Variants in LRMDA observed in about 807,000 individuals in gnomAD.
The protein encoded by LRMDA is leucine-rich melanocyte differentiation-associated protein.
Under a neutral mutation model 29.8 loss-of-function variants are expected in LRMDA, and 18 were observed. The ratio of observed to expected loss-of-function variants is 0.60; its 90% confidence interval spans 0.42 to 0.90. The LOEUF (loss-of-function observed/expected upper bound fraction) is 0.90. Ranked by LOEUF, LRMDA falls within the 40% of genes least tolerant of loss-of-function variation. The pLI is 0.00. For synonymous variants in LRMDA, 125 were observed against 109.4 expected (o/e 1.14, Z -0.89); for missense variants, 273 against 273.9 (o/e 1.00, Z 0.02).
intron 5 of LRMDA, among the ~76,000 whole-genome samples, chr10:76,286,671 A>T (rs1840275384): frequency 6.6e-6 from 1 of 152,186 alleles, no homozygotes; most frequent in Non-Finnish European, 1.5e-5. Context: ...CAAACACTTT[A>T]GGTGTCTAAG....
At chr10:75,729,546 G>A (rs1279042695) in intron 2 of LRMDA, among the ~76,000 whole-genome samples, 1 of 152,158 alleles carries the variant, frequency 6.6e-6, no homozygotes, top group African/African-American at 2.4e-5. Flanking sequence ...AAATGTGACT[G>A]CTGAAACCAA....
At chr10:76,202,257 G>T (rs1851447915) in intron 5 of LRMDA, among the ~76,000 whole-genome samples, 1 of 152,170 alleles carries the variant, frequency 6.6e-6, no homozygotes, top group African/African-American at 2.4e-5. Context: ...TACCGCAACA[G>T]TCTGTTACAC....
At chr10:76,467,817 G>A (rs909477007) in intron 6 of LRMDA, among the ~76,000 whole-genome samples, 1 of 152,134 alleles carries the variant, frequency 6.6e-6, no homozygotes, top group African/African-American at 2.4e-5. Flanking sequence ...GCCAGCTTGG[G>A]TGCTACCCTT....
At chr10:76,348,151 G>T (rs1330427024) in intron 6 of LRMDA, among the ~76,000 whole-genome samples, 1 of 152,070 alleles carries the variant, frequency 6.6e-6, no homozygotes, top group Non-Finnish European at 1.5e-5. Flanking sequence ...ACAGAGATTA[G>T]AAATCAAAAT....
chr10:76,198,179 G>A (rs1049816692), intron 5 of LRMDA, among the ~76,000 whole-genome samples: 1 of 152,180 alleles, frequency 6.6e-6, no homozygotes, highest in African/African-American at 2.4e-5. Flanking sequence ...CTCCTGGGAT[G>A]GAATGCTTTG....
Position 75,468,643 on chromosome 10 carries a change from C to CT in LRMDA, c.131+30158dup, listed in dbSNP as rs530135577. On this transcript the variant is annotated intron_variant, in intron 2 of 6. Transcript: ENST00000611255. ...CCAATAAACTTGGAATAAAAGGAAA[C>CT]TTTTTTTTTCTCCAGAGTAGGTTTT... 1.3e-3 allele frequency among the ~76,000 whole-genome samples: 195 copies of CT among 151,766 alleles called. 2 individuals carry two copies. In the South Asian group the frequency reaches 0.015, roughly 11 times the overall value.
chr10:75,802,974 T>TA (rs1564571969), intron 2 of LRMDA, among the ~76,000 whole-genome samples: 16 of 73,886 alleles, frequency 2.2e-4, no homozygotes, highest in African/African-American at 5.5e-4. Context: ...ATATATATAT[T>TA]TTTTTTTTTT....
At chr10:76,429,746 A>G (rs1350748434) in intron 6 of LRMDA, among the ~76,000 whole-genome samples, 2 of 152,226 alleles carry the variant, frequency 1.3e-5, no homozygotes. Context: ...AGGCTAAATT[A>G]AGATTTTAAT....
At chr10:75,532,666 A>G (rs887919033) in intron 2 of LRMDA, among the ~76,000 whole-genome samples, 3 of 152,028 alleles carry the variant, frequency 2.0e-5, no homozygotes, top group African/African-American at 7.3e-5. Context: ...AGTCATTCTC[A>G]GTATGGTTGA....
chr10:76,542,315 A>G (rs1843366659), intron 6 of LRMDA, among the ~76,000 whole-genome samples: 1 of 152,210 alleles, frequency 6.6e-6, no homozygotes, highest in Non-Finnish European at 1.5e-5. Flanking sequence ...TTTGAATAAT[A>G]TGGCCGCTCA....
At chr10:75,555,143 A>G (rs1019138780) in intron 2 of LRMDA, among the ~76,000 whole-genome samples, 3 of 152,214 alleles carry the variant, frequency 2.0e-5, no homozygotes, top group Admixed American at 2.0e-4. Context: ...TGGCCCTATG[A>G]GAGAGTTCTA....
intron 4 of LRMDA, among the ~76,000 whole-genome samples, chr10:76,051,269 C>T (rs1431317069): frequency 2.6e-5 from 4 of 152,230 alleles, no homozygotes; most frequent in African/African-American, 9.6e-5. Flanking sequence ...GCAAAGGTCA[C>T]GACCCAGAGA....
chr10:76,010,082 T>A (rs902784567), intron 2 of LRMDA, among the ~76,000 whole-genome samples: 11 of 152,240 alleles, frequency 7.2e-5, no homozygotes, highest in African/African-American at 2.6e-4. Flanking sequence ...GTGGCCGCCT[T>A]TTCTCGCACA....
chr10:76,051,248 A>T (rs926537255), intron 4 of LRMDA, among the ~76,000 whole-genome samples: 2 of 152,262 alleles, frequency 1.3e-5, no homozygotes, highest in African/African-American at 4.8e-5. Context: ...GGCTTTGAAG[A>T]TCACAAGAAA....
chr10:76,197,590 G>A (rs1851351865), intron 5 of LRMDA, among the ~76,000 whole-genome samples: 1 of 152,044 alleles, frequency 6.6e-6, no homozygotes, highest in Non-Finnish European at 1.5e-5. Context: ...CAATGCACAG[G>A]GCAGCCCTTC....
chr10:75,950,845 G>A (rs1846562281), intron 2 of LRMDA, among the ~76,000 whole-genome samples: 2 of 152,262 alleles, frequency 1.3e-5, no homozygotes, highest in Middle Eastern at 3.4e-3. Flanking sequence ...TATGGCTCCT[G>A]GATTGTTTCT....
chr10:76,235,077 A>T (rs1395033428), intron 5 of LRMDA, among the ~76,000 whole-genome samples: 1 of 152,118 alleles, frequency 6.6e-6, no homozygotes, highest in Non-Finnish European at 1.5e-5. Context: ...CTAGCTTTTG[A>T]TTTAAGTGTG....
intron 2 of LRMDA, among the ~76,000 whole-genome samples, chr10:75,440,546 T>C (rs1844314254): frequency 6.6e-6 from 1 of 151,850 alleles, no homozygotes. Context: ...CTGACTTGAG[T>C]TGGGTGTGCT....
rs2132273198 is a variant in LRMDA at position 75,812,940 on chromosome 10, T to C, written c.132-223068T>C. Reference sequence around the variant, plus strand: ...TGGCTTTGTCCCAGATGAACCAAAGTAGGAGCAGAGCTGATGGACAAGAAA... The same window carrying C: ...TGGCTTTGTCCCAGATGAACCAAAGCAGGAGCAGAGCTGATGGACAAGAAA... On this transcript the variant is annotated intron_variant, in intron 2 of 6. Coordinates refer to ENST00000611255, the MANE Select transcript of LRMDA (RefSeq NM_001305581.2). Among the ~76,000 whole-genome samples, 2 of 152,162 alleles carry C rather than the reference T, an allele frequency of 1.3e-5. 1 individual carries two copies.
Sources: gnomAD v4.1 joint callset for allele counts (sites outside exome capture counted in the v4.1 genomes callset) on GRCh38, gnomAD v4.1.1 for gene constraint, MANE v1.5 for transcripts, NCBI Gene and HGNC (gene_info 2026-07-23, HGNC 2026-07-21) for gene names.